PHF23: variants seen among roughly 807,000 people sequenced by gnomAD.
The protein encoded by PHF23 is PDH-containing protein JUNE-1.
In PHF23, 3 loss-of-function variants were observed where a neutral mutation model predicts 36.0. That is an observed-to-expected ratio of 0.08 (90% CI 0.04 to 0.22). The LOEUF is 0.22. Among genes scored for constraint, PHF23 ranks in the 10% least tolerant of loss-of-function variants. PHF23 has a pLI of 1.00. For missense variants in PHF23, 475 were observed against 513.6 expected (o/e 0.92, Z 0.73); for synonymous variants, 242 against 192.5 (o/e 1.26, Z -2.13).
In PHF23 at chr17:7,235,536, A is replaced by C. The variant is rs1397544735; in HGVS notation, c.*90T>G. On this transcript the variant is annotated 3_prime_UTR_variant, in exon 5 of 5. Transcript: ENST00000320316. The stretch of plus-strand genomic sequence containing the variant: ...ATTCCTGCCTTGAAGTGCAGACAGT[A>C]TCCAAGCTCCAGGGGATAGGCTGAG... The C allele has an allele frequency of 3.0e-6, 4 of 1,337,816 alleles. No individual in the cohort carries two copies. In the South Asian group the frequency reaches 3.6e-5, roughly 12 times the overall value. The allele number at this position is 1,337,816 out of a possible 1,614,324, so 82.9% of individuals were successfully genotyped here.
Position 7,235,530 on chromosome 17 carries a change from G to C in PHF23, c.*96C>G, listed in dbSNP as rs1395731761. On this transcript the variant is annotated 3_prime_UTR_variant, in exon 5 of 5. Coordinates refer to ENST00000320316, the MANE Select transcript of PHF23 (RefSeq NM_024297.3). ...TTGAGAATTCCTGCCTTGAAGTGCA[G>C]ACAGTATCCAAGCTCCAGGGGATAG... 1 of 1,269,972 alleles carries C rather than the reference G, an allele frequency of 7.9e-7. No homozygotes were observed. Among genetic ancestry groups the C allele is most frequent in the Non-Finnish European group, 1.1e-6 (1 of 892,554 alleles). The allele number at this position is 1,269,972 out of a possible 1,614,324, so 78.7% of individuals were successfully genotyped here.
chr17:7,240,206 A>G (rs2071761662), upstream of PHF23: 1 of 152,264 alleles, frequency 6.6e-6, no homozygotes, highest in Non-Finnish European at 1.5e-5. Context: ...TAAAGTTTCA[A>G]GAAATAATCC....
chr17:7,236,428 C>G lies in PHF23; in HGVS notation c.499G>C (p.Val167Leu), dbSNP rs199998155. 3,622 of 1,613,496 alleles carry G rather than the reference C, an allele frequency of 2.2e-3. 16 individuals are homozygous for G. The highest frequency in any genetic ancestry group is 2.3e-3 in the Non-Finnish European group (2,721 of 1,179,854). The change falls in exon 4 of 5, where the codon GTG becomes CTG. Residue 167 changes from valine to leucine, a missense_variant. Physicochemically the swap from Val to Leu is conservative, Grantham distance 32. Coordinates refer to ENST00000320316, the MANE Select transcript of PHF23 (RefSeq NM_024297.3). This position sits in a 1 kb window ranked among gnomAD's most constrained non-coding sequence, Gnocchi z 5.1. Reference protein sequence around the residue: ...TSRPPAALTPVPLSQGDLSHP... With the variant: ...TSRPPAALTPLPLSQGDLSHP... ...GAGAGGTCCCCCTGGGAAAGGGGCACGGGGGTAAGAGCAGCAGGGGGCCGG... is the reference window on the plus strand; with the variant it reads ...GAGAGGTCCCCCTGGGAAAGGGGCAGGGGGGTAAGAGCAGCAGGGGGCCGG...
Position 7,236,796 on chromosome 17 carries a change from C to A in PHF23, c.160-29G>T. The A allele has an allele frequency of 6.3e-7, 1 of 1,580,996 alleles. No homozygotes were observed. Among genetic ancestry groups the A allele is most frequent in the Non-Finnish European group, 8.6e-7 (1 of 1,165,110 alleles). ...AAAAGGGGGAAGAGACCAGGGTCAG[C>A]AGAACCCCAGTGTCATCTCAGCCCC... is the stretch of plus-strand genomic sequence containing the variant. On this transcript the variant is annotated intron_variant, in intron 3 of 4. Transcript: ENST00000320316. The surrounding 1 kb of genome is among the most constrained non-coding windows in gnomAD (Gnocchi z 5.1).
chr17:7,236,480 C>T lies in PHF23; in HGVS notation c.447G>A (p.Leu149=), dbSNP rs768941341. 2.5e-6 allele frequency: 4 copies of T among 1,613,788 alleles called. No individual in the cohort carries two copies. The highest frequency in any genetic ancestry group is 1.7e-5 in the Admixed American group (1 of 59,998). The change falls in exon 4 of 5, where the codon TTG becomes TTA. Residue 149 remains leucine, a synonymous_variant. Coordinates refer to ENST00000320316, the MANE Select transcript of PHF23 (RefSeq NM_024297.3). This position sits in a 1 kb window ranked among gnomAD's most constrained non-coding sequence, Gnocchi z 5.1. ...AGGTATGTGTCAGGGATGTGGGGGA[C>T]AAAGGAGATGCCACTTTGGGCCCAT... ...DLDGPKVASP[L]SPTSLTHTSR...
In PHF23 at chr17:7,236,910, C is replaced by T; in HGVS notation, c.160-143G>A. The T allele has an allele frequency of 7.0e-7, 1 of 1,435,586 alleles. No individual in the cohort carries two copies. The highest frequency in any genetic ancestry group is 9.1e-7 in the Non-Finnish European group (1 of 1,098,944). The allele number at this position is 1,435,586 out of a possible 1,614,324, so 88.9% of individuals were successfully genotyped here. ...AAATCCCACTGTACTCCAAAAACTT[C>T]TCCCCACCCCAATTCCCATCAGCAT... On this transcript the variant is annotated intron_variant, in intron 3 of 4. Coordinates refer to ENST00000320316, the MANE Select transcript of PHF23 (RefSeq NM_024297.3). The surrounding 1 kb of genome is among the most constrained non-coding windows in gnomAD (Gnocchi z 5.1).
chr17:7,239,512 TCCTCCA>T (rs1319636163), upstream of PHF23: 125 of 367,862 alleles, frequency 3.4e-4, 2 homozygotes, highest in South Asian at 3.6e-4. Context: ...CTCCTCCTCC[TCCTCCA>T]CCTCCTCTCT....
Position 7,236,223 on chromosome 17 carries a change from G to A in PHF23, c.704C>T (p.Pro235Leu). 1.2e-6 allele frequency: 2 copies of A among 1,613,306 alleles called. No homozygotes were observed. Among genetic ancestry groups the A allele is most frequent in the African/African-American group, 2.7e-5 (2 of 75,006 alleles). ...KAERGDRLPP[P>L]GPPQAPPSDT... ...ACTGGGGGGTGCCTGGGGAGGCCCA[G>A]GAGGTGGGAGTCTATCCCCCCGTTC... The change falls in exon 4 of 5, where the codon CCT becomes CTT. Residue 235 changes from proline (P) to leucine (L), a missense_variant. This residue lies in a region of PHF23 where 350 missense variants were observed against 319.8 expected (regional missense o/e 1.09). Coordinates refer to ENST00000320316, the MANE Select transcript of PHF23 (RefSeq NM_024297.3). This position sits in a 1 kb window ranked among gnomAD's most constrained non-coding sequence, Gnocchi z 5.1.
chr17:7,239,307 G>GC lies in PHF23; in HGVS notation c.-29dup. 1.6e-6 allele frequency: 2 copies of GC among 1,249,744 alleles called. No individual in the cohort carries two copies. The highest frequency in any genetic ancestry group is 1.5e-5 in the African/African-American group (1 of 65,546). The allele number at this position is 1,249,744 out of a possible 1,614,324, so 77.4% of individuals were successfully genotyped here. On this transcript the variant is annotated 5_prime_UTR_variant, in exon 1 of 5. Coordinates refer to ENST00000320316, the MANE Select transcript of PHF23 (RefSeq NM_024297.3). ...CCCCCTCCCCTCCTCCCGGTCCGGC[G>GC]CCCCCCTCCCCGGAGCCGGGGATCC...
chr17:7,235,315 C>G lies in PHF23; in HGVS notation c.*311G>C. Reference sequence around the variant, plus strand: ...ATTTACACTAGAGTTTTATAGACAACTGTCCCATTCCATCCCAATTCCAAT... The same window carrying G: ...ATTTACACTAGAGTTTTATAGACAAGTGTCCCATTCCATCCCAATTCCAAT... On this transcript the variant is annotated 3_prime_UTR_variant, in exon 5 of 5. Transcript: ENST00000320316. The G allele has an allele frequency of 4.9e-6, 2 of 405,554 alleles. No homozygotes were observed. The highest frequency in any genetic ancestry group is 5.0e-5 in the South Asian group (2 of 39,846). The allele number at this position is 405,554 out of a possible 1,614,324, so 25.1% of individuals were successfully genotyped here. A position where few individuals can be genotyped will look rare whatever the true frequency, so the allele number is the denominator to read the frequency against.
intron 1 of PHF23, chr17:7,238,715 C>G: frequency 7.2e-7 from 1 of 1,388,588 alleles, no homozygotes; most frequent in Admixed American, 2.4e-5. Context: ...TCCACAACTA[C>G]CCCCCGGTAC....
intron 1 of PHF23, 36 bp downstream of exon 1, chr17:7,239,210 C>A: frequency 6.9e-7 from 1 of 1,448,306 alleles, no homozygotes; most frequent in Non-Finnish European, 9.5e-7. Context: ...GCCCGCCCCC[C>A]GCCGGCTCAG....
chr17:7,239,398 G>A lies in PHF23; in HGVS notation c.-119C>T, dbSNP rs1008467430. ...CCACAGAAGTGTCCGCCTCAGCCCGGTTGAGACTCGAGTCCGCTAGCCGCT... is the reference window on the plus strand; with the variant it reads ...CCACAGAAGTGTCCGCCTCAGCCCGATTGAGACTCGAGTCCGCTAGCCGCT... On this transcript the variant is annotated 5_prime_UTR_variant, in exon 1 of 5. Coordinates refer to ENST00000320316, the MANE Select transcript of PHF23 (RefSeq NM_024297.3). The A allele has an allele frequency of 5.2e-5, 28 of 537,326 alleles. No individual in the cohort carries two copies. The East Asian group carries it at 8.4e-4, about 16-fold the overall frequency. 33.3% of individuals were successfully genotyped at this position (537,326 alleles called of 1,614,324 possible).
At chr17:7,239,079 C>G (rs550829502) in intron 1 of PHF23, 167 bp downstream of exon 1, 5 of 1,198,948 alleles carry the variant, frequency 4.2e-6, no homozygotes, top group East Asian at 5.4e-5. Context: ...TCCCACTCCT[C>G]TTTCTCCAAG....
At position 7,235,470 on chromosome 17, in the gene PHF23, G is replaced by C; in HGVS notation, c.*156C>G. On this transcript the variant is annotated 3_prime_UTR_variant, in exon 5 of 5. Transcript: ENST00000320316. ...CAGAGTGGGGAGGAAGGATAGGGTG[G>C]GAAAGTGAGACACTCATTTTCAAAC... The C allele has an allele frequency of 1.3e-6, 1 of 753,472 alleles. No homozygotes were observed. Among genetic ancestry groups the C allele is most frequent in the Middle Eastern group, 3.9e-4 (1 of 2,556 alleles). 46.7% of individuals were successfully genotyped at this position (753,472 alleles called of 1,614,324 possible). A position where few individuals can be genotyped will look rare whatever the true frequency, so the allele number is the denominator to read the frequency against.
chr17:7,235,918 C>T lies in PHF23; in HGVS notation c.997+12G>A, dbSNP rs369030987. 9.9e-6 allele frequency: 16 copies of T among 1,611,372 alleles called. No homozygotes were observed. The highest frequency in any genetic ancestry group is 6.6e-5 in the South Asian group (6 of 90,996). Reference sequence around the variant, plus strand: ...CACCCTCAAACCCCTCGCCCCAGCCCGAACCTCTCACCTGATTCTACCATG... The same window carrying T: ...CACCCTCAAACCCCTCGCCCCAGCCTGAACCTCTCACCTGATTCTACCATG... On this transcript the variant is annotated intron_variant, in intron 4 of 4. Coordinates refer to ENST00000320316, the MANE Select transcript of PHF23 (RefSeq NM_024297.3).
chr17:7,235,446 A>C lies in PHF23; in HGVS notation c.*180T>G, dbSNP rs2071637077. On this transcript the variant is annotated 3_prime_UTR_variant, in exon 5 of 5. Transcript: ENST00000320316. The stretch of plus-strand genomic sequence containing the variant: ...GTAATGGATTCAATTTCAAGTCCAC[A>C]GAGTGGGGAGGAAGGATAGGGTGGG... The C allele has an allele frequency of 1.9e-5, 12 of 647,130 alleles. No homozygotes were observed. In the South Asian group the frequency reaches 2.3e-4, roughly 12 times the overall value. 40.1% of individuals were successfully genotyped at this position (647,130 alleles called of 1,614,324 possible). A position where few individuals can be genotyped will look rare whatever the true frequency, so the allele number is the denominator to read the frequency against.
At chr17:7,237,812 TCCC>T in intron 1 of PHF23, 152 bp from the exon 2 acceptor site, 1 of 852,276 alleles carries the variant, frequency 1.2e-6, no homozygotes, top group Non-Finnish European at 1.8e-6. Context: ...CCGCCCCGGC[TCCC>T]CCTTCCGCCC....
Position 7,235,818 on chromosome 17 carries a change from G to A in PHF23, c.1020C>T (p.Ile340=), listed in dbSNP as rs780617501. The change falls in exon 5 of 5, where the codon ATC becomes ATT. Residue 340 remains isoleucine (I), a synonymous_variant. Coordinates refer to ENST00000320316, the MANE Select transcript of PHF23 (RefSeq NM_024297.3). ...VESGDDSWDL[I]TCYCRKPFAG... is the part of the protein sequence containing the mutation. ...CAAAGGGCTTTCGACAGTAACATGT[G>A]ATCAGATCCCATGAGTCATCACCTG... 11 of 1,614,154 alleles carry A rather than the reference G, an allele frequency of 6.8e-6. No homozygotes were observed. The highest frequency in any genetic ancestry group is 4.5e-5 in the East Asian group (2 of 44,890).
Sources: allele counts gnomAD v4.1 joint callset, GRCh38; gene constraint gnomAD v4.1.1; regional missense constraint gnomAD v4.1.1; non-coding constraint Gnocchi (gnomAD v3.1); transcripts MANE v1.5; gene names NCBI Gene and HGNC (gene_info 2026-07-23, HGNC 2026-07-21).